Variants in ZNF846 observed in about 807,000 individuals in gnomAD.
ZNF846 encodes zinc finger protein 420 pseudogene.
A neutral mutation model predicts 16.0 loss-of-function variants in ZNF846; 15 were observed. The observed-to-expected ratio is 0.94, with a 90% confidence interval of 0.63 to 1.45. The LOEUF (loss-of-function observed/expected upper bound fraction) is 1.45, where lower values mean the gene tolerates loss of function less well. Ranked by LOEUF, ZNF846 falls within the 40% of genes most tolerant of loss-of-function variation. The pLI is 0.00. For missense variants in ZNF846, 714 were observed against 622.3 expected (o/e 1.15, Z -1.57); for synonymous variants, 229 against 212.0 (o/e 1.08, Z -0.70).
Position 9,762,170 on chromosome 19 carries a change from T to C in ZNF846, c.143-2A>G. 1 of 1,613,706 alleles carries C rather than the reference T, an allele frequency of 6.2e-7. No individual in the cohort carries two copies. The highest frequency in any genetic ancestry group is 8.5e-7 in the Non-Finnish European group (1 of 1,179,708). ...TACGTTTGAATAATTCAGACCCTGC[T>C]GGAGGGAAAAATGCACAAAAGAAGA... On this transcript the variant is annotated splice_acceptor_variant, in intron 3 of 5. Transcript: ENST00000397902. LOFTEE classifies it high-confidence loss of function.
chr19:9,761,967 T>A, intron 4 of ZNF846, 115 bp downstream of exon 4: 1 of 776,664 alleles, frequency 1.3e-6, no homozygotes, highest in East Asian at 2.6e-5. Flanking sequence ...GGCCTCAGCC[T>A]TCTCAGGAAG....
chr19:9,757,543 C>A, exon 6 of ZNF846: 1 of 1,611,642 alleles, frequency 6.2e-7, no homozygotes, highest in Non-Finnish European at 8.5e-7. Context: ...AAGTTTTTCC[C>A]ACATTTCTTA....
intron 1 of ZNF846, among the ~76,000 whole-genome samples, chr19:9,779,395 A>G (rs1200068974): frequency 1.3e-5 from 2 of 151,922 alleles, no homozygotes; most frequent in African/African-American, 4.8e-5. Flanking sequence ...CAGCCTCCCA[A>G]GTAGCTGGGA....
chr19:9,751,944 G>A (rs1180879164), downstream of ZNF846: 2 of 152,756 alleles, frequency 1.3e-5, no homozygotes, highest in Non-Finnish European at 2.9e-5. Context: ...AGCCTGCTCA[G>A]GTGGTCTCTT....
At chr19:9,754,708 G>T (rs533936149), downstream of ZNF846, among the ~76,000 whole-genome samples, 24 of 150,492 alleles carry the variant, frequency 1.6e-4, no homozygotes, top group South Asian at 4.6e-3. Flanking sequence ...GACTCATTTT[G>T]CCACTTTGTT....
intron 1 of ZNF846, chr19:9,775,070 T>A: frequency 2.1e-6 from 2 of 940,460 alleles, no homozygotes; most frequent in Non-Finnish European, 3.3e-6. Flanking sequence ...CCGCCTGACA[T>A]TCACTTGTGG....
At chr19:9,759,910 G>A in exon 5 of ZNF846, 1 of 1,613,102 alleles carries the variant, frequency 6.2e-7, no homozygotes. Context: ...TGCAGCAGTG[G>A]GGAGCCTTTG....
At chr19:9,762,161 A>G in exon 4 of ZNF846, 2 of 1,613,984 alleles carry the variant, frequency 1.2e-6, no homozygotes, top group Non-Finnish European at 1.7e-6. Context: ...TGAATAATTC[A>G]GACCCTGCTG....
downstream of ZNF846, among the ~76,000 whole-genome samples, chr19:9,755,990 G>A (rs899336630): frequency 4.7e-5 from 7 of 148,164 alleles, 1 homozygote; most frequent in Middle Eastern, 3.5e-3. Context: ...AAAGGCACCC[G>A]CCACCATACT....
At chr19:9,771,968 G>A (rs904763845), upstream of ZNF846, among the ~76,000 whole-genome samples, 2 of 151,658 alleles carry the variant, frequency 1.3e-5, no homozygotes, top group African/African-American at 2.4e-5. Flanking sequence ...AGGTTTCACC[G>A]TGTTGGTCAG....
At chr19:9,755,323 C>T (rs1030526783), downstream of ZNF846, among the ~76,000 whole-genome samples, 8 of 151,466 alleles carry the variant, frequency 5.3e-5, no homozygotes, top group Non-Finnish European at 1.2e-4. Flanking sequence ...CATGACAAGT[C>T]GTCATGGACA....
At chr19:9,769,447 T>C (rs1227703358), upstream of ZNF846, among the ~76,000 whole-genome samples, 2 of 152,048 alleles carry the variant, frequency 1.3e-5, no homozygotes, top group Non-Finnish European at 2.9e-5. Flanking sequence ...CCCAGGCTGA[T>C]CTGGAACTCC....
intron 1 of ZNF846, chr19:9,774,596 A>G (rs1161976729): frequency 1.9e-5 from 29 of 1,511,606 alleles, no homozygotes; most frequent in Non-Finnish European, 2.7e-5. Context: ...TAATTTATTG[A>G]CTTAGCAAGG....
downstream of ZNF846, chr19:9,752,527 A>C: frequency 3.8e-6 from 1 of 261,406 alleles, no homozygotes; most frequent in South Asian, 3.5e-5. Context: ...AAGCAGGAGA[A>C]TCACTTGAAC....
At chr19:9,750,082 C>T (rs755595243), downstream of ZNF846, among the ~76,000 whole-genome samples, 1 of 152,102 alleles carries the variant, frequency 6.6e-6, no homozygotes, top group Non-Finnish European at 1.5e-5. Context: ...CTCTTTATCT[C>T]CAGAACCAAG....
At chr19:9,781,713 C>T (rs2045503336) in intron 1 of ZNF846, among the ~76,000 whole-genome samples, 1 of 151,866 alleles carries the variant, frequency 6.6e-6, no homozygotes, top group Admixed American at 6.6e-5. Context: ...AAAAACAAAA[C>T]CCTTTATTTT....
chr19:9,774,869 C>G, intron 1 of ZNF846: 2 of 1,610,164 alleles, frequency 1.2e-6, no homozygotes, highest in East Asian at 2.2e-5. Flanking sequence ...TCGGGCTGAC[C>G]TAGCTGAAGA....
chr19:9,756,345 G>GTGTGTA (rs1321690890), downstream of ZNF846: 128 of 81,742 alleles, frequency 1.6e-3, no homozygotes, highest in African/African-American at 3.8e-3. Flanking sequence ...GTGTGTGTGT[G>GTGTGTA]TATATATATA....
upstream of ZNF846, among the ~76,000 whole-genome samples, chr19:9,773,471 GA>G (rs1256401752): frequency 1.3e-5 from 2 of 152,104 alleles, no homozygotes; most frequent in Non-Finnish European, 2.9e-5. Context: ...AATTCAGTAA[GA>G]AAAATTAATT....
Sources: gnomAD v4.1 joint callset for allele counts (sites outside exome capture counted in the v4.1 genomes callset) on GRCh38, gnomAD v4.1.1 for gene constraint, MANE v1.5 for transcripts, NCBI Gene and HGNC (gene_info 2026-07-23, HGNC 2026-07-21) for gene names.